Variants in EPC1 observed in about 807,000 individuals in gnomAD.
EPC1 encodes the protein enhancer of polycomb homolog 1.
EPC1 carries 12 observed loss-of-function variants against 98.4 expected under a neutral mutation model. That is an observed-to-expected ratio of 0.12 (90% CI 0.08 to 0.20). The LOEUF (loss-of-function observed/expected upper bound fraction) is 0.20, where lower values mean the gene tolerates loss of function less well. EPC1 is among the 10% of genes least tolerant of loss of function. The pLI, the probability that EPC1 is intolerant of heterozygous loss-of-function variation, is 1.00. For synonymous variants in EPC1, 357 were observed against 363.9 expected, an observed-to-expected ratio of 0.98 and a Z score of 0.21; for missense variants, 729 against 990.5, an observed-to-expected ratio of 0.74 and a Z score of 3.54.
At chr10:32,313,880 T>G (rs1836399335) in intron 1 of EPC1, among the ~76,000 whole-genome samples, 1 of 151,780 alleles carries the variant, frequency 6.6e-6, no homozygotes, top group African/African-American at 2.4e-5. Context: ...AGCGAGACTC[T>G]GTCTCCAAAA....
intron 10 of EPC1, among the ~76,000 whole-genome samples, chr10:32,277,103 T>C (rs538504943): frequency 9.1e-4 from 138 of 152,092 alleles, no homozygotes; most frequent in Non-Finnish European, 1.4e-3. Flanking sequence ...AATTGAAAAA[T>C]AGACAAAAAT....
intron 1 of EPC1, 49 bp downstream of exon 1, chr10:32,346,714 C>T (rs995607858): frequency 2.6e-6 from 4 of 1,559,334 alleles, no homozygotes; most frequent in Non-Finnish European, 3.5e-6. Flanking sequence ...CCGCAGGCAG[C>T]AGAGGGAGCG....
At chr10:32,357,908 G>A (rs1839326355) in intron 1 of EPC1, among the ~76,000 whole-genome samples, 2 of 137,876 alleles carry the variant, frequency 1.5e-5, no homozygotes, top group African/African-American at 5.6e-5. Flanking sequence ...AGGCTGGAAT[G>A]TAATGGCATG....
chr10:32,291,030 G>T, intron 6 of EPC1, 133 bp downstream of exon 6: 1 of 737,718 alleles, frequency 1.4e-6, no homozygotes, highest in Non-Finnish European at 2.2e-6. Context: ...ACCCACCTCC[G>T]TGTCCCGAAG....
intron 1 of EPC1, among the ~76,000 whole-genome samples, chr10:32,324,809 C>T (rs11597137): frequency 1.3e-5 from 2 of 151,738 alleles, no homozygotes; most frequent in African/African-American, 4.8e-5. Context: ...CTGGCTAACA[C>T]GGTGAAACCC....
chr10:32,337,080 A>G (rs557165421), intron 1 of EPC1, among the ~76,000 whole-genome samples: 1 of 152,178 alleles, frequency 6.6e-6, no homozygotes, highest in South Asian at 2.1e-4. Context: ...CAGGATCTCT[A>G]AATATTCCTT....
chr10:32,370,755 TG>T (rs1839723053), intron 1 of EPC1, among the ~76,000 whole-genome samples: 1 of 152,250 alleles, frequency 6.6e-6, no homozygotes, highest in South Asian at 2.1e-4. Context: ...ATAGTGTGAC[TG>T]GGAAAATGAA....
intron 1 of EPC1, among the ~76,000 whole-genome samples, chr10:32,333,850 AATAG>A (rs1170434885): frequency 6.6e-6 from 1 of 152,240 alleles, no homozygotes; most frequent in Non-Finnish European, 1.5e-5. Flanking sequence ...ATTTTCAACT[AATAG>A]ATTGACCCCA....
In EPC1 at chr10:32,347,046, G is replaced by T. The variant is rs12763849; in HGVS notation, c.-131C>A. 2 of 1,469,566 alleles carry T rather than the reference G, an allele frequency of 1.4e-6. No homozygotes were observed. Among genetic ancestry groups the T allele is most frequent in the Admixed American group, 2.4e-5 (1 of 40,954 alleles). The allele number at this position is 1,469,566 out of a possible 1,614,324, so 91.0% of individuals were successfully genotyped here. ...TGAGGGGCGGAGCGCAGAGCCCGCC[G>T]TCCGGGCACTAACACCAGCCGGGAG... is the stretch of plus-strand genomic sequence containing the variant. On this transcript the variant is annotated 5_prime_UTR_variant, in exon 1 of 14. Coordinates refer to ENST00000319778, the MANE Select transcript of EPC1 (RefSeq NM_001272004.3).
chr10:32,367,535 A>G (rs1194582281), intron 1 of EPC1, among the ~76,000 whole-genome samples: 2 of 152,354 alleles, frequency 1.3e-5, no homozygotes, highest in Admixed American at 6.5e-5. Context: ...ATATTGGCAT[A>G]TAAAATAACA....
intron 1 of EPC1, among the ~76,000 whole-genome samples, chr10:32,321,606 G>A (rs1409048294): frequency 6.6e-6 from 1 of 151,778 alleles, no homozygotes; most frequent in African/African-American, 2.4e-5. Context: ...TATTTACATA[G>A]TGAAAATGAC....
chr10:32,292,858 C>G, intron 4 of EPC1, 130 bp downstream of exon 4: 1 of 763,732 alleles, frequency 1.3e-6, no homozygotes, highest in African/African-American at 1.8e-5. Context: ...ATCTTAAGTT[C>G]AATTTAAGTA....
chr10:32,336,643 C>G (rs989978523), intron 1 of EPC1, among the ~76,000 whole-genome samples: 3 of 152,136 alleles, frequency 2.0e-5, no homozygotes, highest in Non-Finnish European at 4.4e-5. Context: ...CTCACTCATA[C>G]CTCATAGAGA....
intron 2 of EPC1, among the ~76,000 whole-genome samples, chr10:32,300,643 AG>A (rs1372826881): frequency 6.6e-6 from 1 of 151,880 alleles, no homozygotes; most frequent in Non-Finnish European, 1.5e-5. Context: ...CATGTTGGCC[AG>A]GCTGGTCTCG....
intron 6 of EPC1, among the ~76,000 whole-genome samples, chr10:32,288,535 G>A (rs1836820271): frequency 6.6e-6 from 1 of 151,740 alleles, no homozygotes. Flanking sequence ...ATTTTTAGTA[G>A]AGATGGGGTT....
rs760675382 is a variant in EPC1, at chr10:32,305,941, AG to A, written c.154-11del. ...GCTGAAGATGATGTTCCTAAAAAGA[AG>A]AAAAAACAGGTAAGTTCATGTATTT... On this transcript the variant is annotated splice_polypyrimidine_tract_variant and intron_variant, in intron 1 of 13. Transcript: ENST00000319778. 3 of 1,593,332 alleles carry A rather than the reference AG, an allele frequency of 1.9e-6. No homozygotes were observed. Among genetic ancestry groups the A allele is most frequent in the African/African-American group, 2.7e-5 (2 of 73,676 alleles).
intron 1 of EPC1, chr10:32,345,295 A>G (rs1258007308): frequency 1.1e-5 from 11 of 985,456 alleles, no homozygotes; most frequent in Non-Finnish European, 1.3e-5. Context: ...GCTTATCTGT[A>G]AAGTTAGATT....
rs59836590 is a variant in EPC1, at chr10:32,268,439, CTTTTTTTTTTT to C, written c.*613_*623del. On this transcript the variant is annotated 3_prime_UTR_variant, in exon 14 of 14. Coordinates refer to ENST00000319778, the MANE Select transcript of EPC1 (RefSeq NM_001272004.3). ...TCCCCATTTTTAAAAAAACTGATGC[CTTTTTTTTTTT>C]TTTTTTTTTTGTAAAATTCTGTATG... is the stretch of plus-strand genomic sequence containing the variant. The C allele has an allele frequency of 1.8e-5, 2 of 111,926 alleles. No individual in the cohort carries two copies. Among genetic ancestry groups the C allele is most frequent in the Non-Finnish European group, 3.6e-5 (2 of 55,144 alleles). The allele number at this position is 111,926 out of a possible 1,614,324, so 6.9% of individuals were successfully genotyped here. A position where few individuals can be genotyped will look rare whatever the true frequency, so the allele number is the denominator to read the frequency against.
chr10:32,271,068 T>C (rs1235237812), intron 13 of EPC1, among the ~76,000 whole-genome samples: 1 of 151,794 alleles, frequency 6.6e-6, no homozygotes, highest in East Asian at 2.0e-4. Context: ...CGATCTTGGT[T>C]GCAACCTCCA....
Sources: allele counts gnomAD v4.1 joint callset (sites outside exome capture counted in the v4.1 genomes callset), GRCh38; gene constraint gnomAD v4.1.1; transcripts MANE v1.5; gene names NCBI Gene and HGNC (gene_info 2026-07-23, HGNC 2026-07-21).